PRKG1: variants seen among roughly 807,000 people sequenced by gnomAD.
The protein encoded by PRKG1 is protein kinase cGMP-dependent 1, also known as cGMP-dependent protein kinase 1.
A neutral mutation model predicts 88.1 loss-of-function variants in PRKG1; 35 were observed. That is an observed-to-expected ratio of 0.40 (90% CI 0.30 to 0.53). The LOEUF is 0.53. Among genes scored for constraint, PRKG1 ranks in the 20% least tolerant of loss-of-function variants. The pLI is 0.59. For synonymous variants in PRKG1, 303 were observed against 292.5 expected (o/e 1.04, Z -0.37); for missense variants, 540 against 839.8 (o/e 0.64, Z 4.41).
chr10:51,657,379 G>A (rs982030927), intron 3 of PRKG1, among the ~76,000 whole-genome samples: 1 of 152,060 alleles, frequency 6.6e-6, no homozygotes, highest in Non-Finnish European at 1.5e-5. Context: ...AATATAGTAA[G>A]CATGGATACA....
In PRKG1 at chr10:51,556,741, G is replaced by A. The variant is rs564523508; in HGVS notation, c.592+88905G>A. 1.2e-4 allele frequency among the ~76,000 whole-genome samples: 18 copies of A among 152,114 alleles called. No homozygotes were observed. The South Asian group carries it at 3.5e-3, about 30-fold the overall frequency. ...ACCAGACTGAGGAAGGCAGGAGGGGGATCATTGGCTGAAAAACTGCCTGTT... is the reference window on the plus strand; with the variant it reads ...ACCAGACTGAGGAAGGCAGGAGGGGAATCATTGGCTGAAAAACTGCCTGTT... On this transcript the variant is annotated intron_variant, in intron 3 of 17. Transcript: ENST00000373980.
intron 3 of PRKG1, among the ~76,000 whole-genome samples, chr10:51,763,459 T>C (rs552590956): frequency 6.6e-6 from 1 of 152,112 alleles, no homozygotes; most frequent in East Asian, 1.9e-4. Flanking sequence ...TGCTACGTTG[T>C]CTAAGCTGGT....
intron 3 of PRKG1, among the ~76,000 whole-genome samples, chr10:51,763,621 G>T (rs1379708965): frequency 1.5e-5 from 2 of 134,138 alleles, no homozygotes; most frequent in African/African-American, 5.7e-5. Flanking sequence ...AAAAAAAAAA[G>T]TAAGCATTCT....
At chr10:52,091,295 CCTT>C (rs764471946) in intron 7 of PRKG1, among the ~76,000 whole-genome samples, 1 of 152,142 alleles carries the variant, frequency 6.6e-6, no homozygotes, top group African/African-American at 2.4e-5. Flanking sequence ...GTCTTTCTTC[CCTT>C]CTTCTACTAG....
At chr10:51,090,361 G>A (rs998530437) in intron 1 of PRKG1, among the ~76,000 whole-genome samples, 1 of 152,164 alleles carries the variant, frequency 6.6e-6, no homozygotes, top group Non-Finnish European at 1.5e-5. Context: ...ACCCAGCTTG[G>A]CTTTACTGAG....
chr10:51,198,142 G>A (rs1755380292), intron 2 of PRKG1, among the ~76,000 whole-genome samples: 1 of 152,106 alleles, frequency 6.6e-6, no homozygotes, highest in African/African-American at 2.4e-5. Flanking sequence ...ACAGTTTTGG[G>A]CAGGATAGTT....
At chr10:51,502,728 T>G (rs1841066312) in intron 3 of PRKG1, among the ~76,000 whole-genome samples, 1 of 152,308 alleles carries the variant, frequency 6.6e-6, no homozygotes, top group African/African-American at 2.4e-5. Context: ...AATGTCTTTT[T>G]GAGTTATTAC....
intron 3 of PRKG1, among the ~76,000 whole-genome samples, chr10:51,603,021 A>G (rs146700101): frequency 0.08 from 12,158 of 151,882 alleles, 1,612 homozygotes; most frequent in African/African-American, 0.27. Context: ...ACAGTGGCGC[A>G]ATCTGGGCTC....
intron 3 of PRKG1, among the ~76,000 whole-genome samples, chr10:51,486,472 G>A (rs1840543958): frequency 6.6e-6 from 1 of 152,072 alleles, no homozygotes; most frequent in Non-Finnish European, 1.5e-5. Context: ...TAGTATGTCA[G>A]TCTTACCTTA....
At chr10:51,068,948 A>G (rs10218858) in intron 1 of PRKG1, among the ~76,000 whole-genome samples, 20,271 of 151,902 alleles carry the variant, frequency 0.13, 3,188 homozygotes, top group African/African-American at 0.38. Context: ...AATACAAAAA[A>G]CCTAATATTT....
chr10:51,440,292 C>G (rs1839063549), intron 2 of PRKG1, among the ~76,000 whole-genome samples: 1 of 151,824 alleles, frequency 6.6e-6, no homozygotes, highest in Non-Finnish European at 1.5e-5. Flanking sequence ...AATGGCTTGA[C>G]TTACAATTTT....
intron 3 of PRKG1, among the ~76,000 whole-genome samples, chr10:51,693,443 C>A (rs1328500446): frequency 6.6e-6 from 1 of 151,644 alleles, no homozygotes; most frequent in South Asian, 2.1e-4. Flanking sequence ...CATCTGTTGC[C>A]CAGGCTGGAG....
chr10:51,148,610 A>C (rs1845995047), intron 1 of PRKG1, among the ~76,000 whole-genome samples: 1 of 152,130 alleles, frequency 6.6e-6, no homozygotes, highest in South Asian at 2.1e-4. Context: ...GGCACACTTC[A>C]GGCCTCTGGA....
At chr10:51,646,764 A>C (rs933606312) in intron 3 of PRKG1, among the ~76,000 whole-genome samples, 2 of 151,996 alleles carry the variant, frequency 1.3e-5, no homozygotes, top group Non-Finnish European at 2.9e-5. Context: ...ATAATGTAAT[A>C]TATTTAATAA....
chr10:51,373,573 T>A (rs1426704190), intron 2 of PRKG1, among the ~76,000 whole-genome samples: 2 of 152,114 alleles, frequency 1.3e-5, no homozygotes, highest in African/African-American at 4.8e-5. Context: ...TTAGCTATAT[T>A]TCCCGATGCT....
chr10:52,041,119 C>G (rs10823996), intron 5 of PRKG1, among the ~76,000 whole-genome samples: 25,380 of 151,962 alleles, frequency 0.17, 2,223 homozygotes, highest in East Asian at 0.28. Flanking sequence ...GATTACAGGT[C>G]TGAGTCACCA....
chr10:51,198,075 T>G (rs936826434), intron 2 of PRKG1, among the ~76,000 whole-genome samples: 1 of 152,144 alleles, frequency 6.6e-6, no homozygotes, highest in Non-Finnish European at 1.5e-5. Flanking sequence ...ATTTTGTTTA[T>G]GAAACATATG....
chr10:52,081,454 T>A, intron 7 of PRKG1: 1 of 397,200 alleles, frequency 2.5e-6, no homozygotes, highest in South Asian at 1.9e-5. Context: ...TGTTAGTTAC[T>A]ATATATCTCT....
chr10:52,080,239 A>G (rs762484116), intron 7 of PRKG1, among the ~76,000 whole-genome samples: 15 of 152,094 alleles, frequency 9.9e-5, no homozygotes, highest in South Asian at 6.2e-4. Context: ...GCTGCATCCA[A>G]TATCCACTTA....
Sources: allele counts gnomAD v4.1 joint callset (sites outside exome capture counted in the v4.1 genomes callset), GRCh38; gene constraint gnomAD v4.1.1; transcripts MANE v1.5; gene names NCBI Gene and HGNC (gene_info 2026-07-23, HGNC 2026-07-21).